OSBPL10: variants seen among roughly 807,000 people sequenced by gnomAD.
OSBPL10 encodes oxysterol binding protein like 10.
In OSBPL10, 49 loss-of-function variants were observed where a neutral mutation model predicts 81.7. That is an observed-to-expected ratio of 0.60 (90% confidence interval 0.48 to 0.76). The LOEUF is 0.76. OSBPL10 is among the 30% of genes least tolerant of loss of function. The pLI is 0.00. For missense variants in OSBPL10, 923 were observed against 987.8 expected, an observed-to-expected ratio of 0.93 and a Z score of 0.88; for synonymous variants, 419 against 383.6, an observed-to-expected ratio of 1.09 and a Z score of -1.08.
At chr3:31,844,031 A>T (rs1393051367) in intron 3 of OSBPL10, among the ~76,000 whole-genome samples, 1 of 152,192 alleles carries the variant, frequency 6.6e-6, no homozygotes, top group Non-Finnish European at 1.5e-5. Context: ...TAGTACAAAG[A>T]TTGTTTTTCC....
At chr3:31,772,537 C>T (rs1698412246) in intron 4 of OSBPL10, among the ~76,000 whole-genome samples, 1 of 152,200 alleles carries the variant, frequency 6.6e-6, no homozygotes, top group African/African-American at 2.4e-5. Context: ...CCTGAGGCCA[C>T]ATCAGTAACA....
chr3:31,914,599 T>C (rs1017505867), intron 1 of OSBPL10, among the ~76,000 whole-genome samples: 1 of 152,304 alleles, frequency 6.6e-6, no homozygotes, highest in South Asian at 2.1e-4. Flanking sequence ...TATGGAATTA[T>C]TTGAGCCCGA....
At chr3:31,726,383 C>G (rs1365143721) in intron 6 of OSBPL10, among the ~76,000 whole-genome samples, 1 of 151,998 alleles carries the variant, frequency 6.6e-6, no homozygotes, top group Non-Finnish European at 1.5e-5. Context: ...GTGGCACGAT[C>G]TCTGCTCACT....
At chr3:31,959,228 AT>A (rs1465197563) in intron 1 of OSBPL10, among the ~76,000 whole-genome samples, 1 of 152,220 alleles carries the variant, frequency 6.6e-6, no homozygotes, top group Non-Finnish European at 1.5e-5. Context: ...GTCTAATCAA[AT>A]TTAGCCAGGT....
intron 1 of OSBPL10, among the ~76,000 whole-genome samples, chr3:31,886,706 C>T (rs1048292075): frequency 1.8e-4 from 28 of 152,294 alleles, no homozygotes; most frequent in South Asian, 8.3e-4. Context: ...CTTTGGGAGG[C>T]TGAGGCGGGC....
At chr3:31,763,010 G>GAA (rs1698098433) in intron 4 of OSBPL10, among the ~76,000 whole-genome samples, 5 of 152,086 alleles carry the variant, frequency 3.3e-5, no homozygotes, top group African/African-American at 1.2e-4. Flanking sequence ...GAAGACGCTT[G>GAA]GGAGCAAGCT....
At chr3:32,026,064 TA>T (rs56928520) in intron 2 of OSBPL10, among the ~76,000 whole-genome samples, 16,128 of 108,640 alleles carry the variant, frequency 0.15, 1,103 homozygotes, top group Admixed American at 0.22. Context: ...AGATGATAGA[TA>T]GATAGATAGA....
At chr3:31,769,063 A>G (rs1698281429) in intron 4 of OSBPL10, among the ~76,000 whole-genome samples, 1 of 152,146 alleles carries the variant, frequency 6.6e-6, no homozygotes, top group Admixed American at 6.6e-5. Context: ...AGCCCCATGG[A>G]AAATAAGAAA....
intron 1 of OSBPL10, among the ~76,000 whole-genome samples, chr3:32,052,932 C>T (rs886736587): frequency 6.6e-5 from 10 of 151,588 alleles, no homozygotes; most frequent in African/African-American, 1.7e-4. Flanking sequence ...AACAAACCTG[C>T]ACGTTCTGCA....
At position 31,668,787 on chromosome 3, in the gene OSBPL10, T is replaced by C; in HGVS notation, c.1951A>G (p.Ile651Val). Residue 651 changes from isoleucine (I) to valine (V), a missense_variant, in exon 10 of 12, where the codon ATT becomes GTT. This residue lies in a region of OSBPL10 where 387 missense variants were observed against 436.3 expected (regional missense o/e 0.89). Transcript: ENST00000396556. ...AEVKHNPTNT[I>V]VCKAHGEWNG... Reference sequence around the variant, plus strand: ...CATTCCCCATGGGCTTTACAAACAATGGTGTTGGTTGGGTTGTGCTTCACT... The same window carrying C: ...CATTCCCCATGGGCTTTACAAACAACGGTGTTGGTTGGGTTGTGCTTCACT... 1 of 1,613,422 alleles carries C rather than the reference T, an allele frequency of 6.2e-7. No individual in the cohort carries two copies. The highest frequency in any genetic ancestry group is 1.3e-5 in the African/African-American group (1 of 75,048).
intron 4 of OSBPL10, among the ~76,000 whole-genome samples, chr3:31,769,087 A>G (rs549674514): frequency 6.6e-6 from 1 of 152,286 alleles, no homozygotes; most frequent in Non-Finnish European, 1.5e-5. Flanking sequence ...GCCCTTAAGA[A>G]GTGGTACCCA....
intron 7 of OSBPL10, among the ~76,000 whole-genome samples, chr3:31,694,195 A>C (rs891182375): frequency 6.6e-6 from 1 of 151,994 alleles, no homozygotes; most frequent in Non-Finnish European, 1.5e-5. Context: ...ACATGGTGAA[A>C]CCTCATCTCT....
intron 4 of OSBPL10, among the ~76,000 whole-genome samples, chr3:31,810,878 G>A (rs551294465): frequency 2.2e-4 from 33 of 152,190 alleles, no homozygotes; most frequent in African/African-American, 4.3e-4. Flanking sequence ...AGGATCCCCC[G>A]CTTACTTTCA....
chr3:31,807,107 C>T (rs1699538868), intron 4 of OSBPL10, among the ~76,000 whole-genome samples: 1 of 152,198 alleles, frequency 6.6e-6, no homozygotes, highest in Non-Finnish European at 1.5e-5. Flanking sequence ...TGGCCAGCCA[C>T]GGTGGCTCAC....
At chr3:32,017,642 T>C (rs1444111092) in intron 2 of OSBPL10, among the ~76,000 whole-genome samples, 1 of 152,220 alleles carries the variant, frequency 6.6e-6, no homozygotes, top group Non-Finnish European at 1.5e-5. Context: ...GAAAGTACAC[T>C]AAACTGGAAT....
chr3:31,951,903 C>A (rs528614405), intron 1 of OSBPL10, among the ~76,000 whole-genome samples: 127 of 152,136 alleles, frequency 8.3e-4, no homozygotes, highest in African/African-American at 2.8e-3. Flanking sequence ...AGATTTCCAC[C>A]AGCGAAGAAA....
intron 2 of OSBPL10, among the ~76,000 whole-genome samples, chr3:32,033,705 G>T (rs770374245): frequency 6.6e-6 from 1 of 152,144 alleles, no homozygotes; most frequent in Non-Finnish European, 1.5e-5. Context: ...TAAGCCAATA[G>T]CAGCCATTGT....
intron 1 of OSBPL10, among the ~76,000 whole-genome samples, chr3:31,923,181 T>A (rs1260340492): frequency 6.6e-6 from 1 of 152,042 alleles, no homozygotes; most frequent in Admixed American, 6.6e-5. Flanking sequence ...AGTAGCCAAA[T>A]CCTACAAAAA....
At chr3:31,909,056 G>A (rs560724744) in intron 1 of OSBPL10, among the ~76,000 whole-genome samples, 1 of 152,304 alleles carries the variant, frequency 6.6e-6, no homozygotes, top group Admixed American at 6.5e-5. Flanking sequence ...GCTAGCATTC[G>A]TCAGAATTCT....
Sources: gnomAD v4.1 joint callset for allele counts (sites outside exome capture counted in the v4.1 genomes callset) on GRCh38, gnomAD v4.1.1 for gene constraint, gnomAD v4.1.1 regional missense constraint, MANE v1.5 for transcripts, NCBI Gene and HGNC (gene_info 2026-07-23, HGNC 2026-07-21) for gene names.